The following CRTAC1 variants were observed in gnomAD, a reference collection of about 807,000 sequenced individuals.
CRTAC1 encodes acidic secreted protein in cartilage.
A neutral mutation model predicts 67.8 loss-of-function variants in CRTAC1; 37 were observed. The observed-to-expected ratio is 0.55, with a 90% CI of 0.42 to 0.72. The LOEUF (loss-of-function observed/expected upper bound fraction) is 0.72, where lower values mean the gene tolerates loss of function less well. Ranked by LOEUF, CRTAC1 falls within the 30% of genes least tolerant of loss-of-function variation. The pLI is 0.00. For missense variants in CRTAC1, 780 were observed against 931.6 expected, an observed-to-expected ratio of 0.84 and a Z score of 2.12; for synonymous variants, 348 against 371.0, an observed-to-expected ratio of 0.94 and a Z score of 0.71.
At position 97,974,722 on chromosome 10, in the gene CRTAC1, C is replaced by A. The variant is rs779614764; in HGVS notation, c.224+36416G>T. Among the ~76,000 whole-genome samples the A allele has an allele frequency of 1.4e-4, 21 of 152,112 alleles. 1 individual carries two copies. The highest frequency in any genetic ancestry group is 2.6e-4 in the Non-Finnish European group (18 of 68,020). ...GTCACCCCTGCCTCTGCCGGGAGCCCGGAGAAGCTGGACTCAGGGAGCCAG... is the reference window on the plus strand; with the variant it reads ...GTCACCCCTGCCTCTGCCGGGAGCCAGGAGAAGCTGGACTCAGGGAGCCAG... On this transcript the variant is annotated intron_variant, in intron 2 of 14. Coordinates refer to ENST00000370597, the MANE Select transcript of CRTAC1 (RefSeq NM_018058.7).
chr10:97,896,576 G>T (rs182082271), intron 9 of CRTAC1, among the ~76,000 whole-genome samples: 1 of 152,268 alleles, frequency 6.6e-6, no homozygotes, highest in Admixed American at 6.5e-5. Context: ...CTGCCTGAGA[G>T]CAGAAGGGGC....
chr10:98,023,199 C>T (rs997266624), intron 1 of CRTAC1, among the ~76,000 whole-genome samples: 17 of 152,182 alleles, frequency 1.1e-4, no homozygotes, highest in East Asian at 1.9e-4. Flanking sequence ...AGCCTTGCTC[C>T]AGGCTCAGAG....
At position 98,030,479 on chromosome 10, in the gene CRTAC1, G is replaced by T. The variant is rs1437256783; in HGVS notation, c.-7C>A. 1 of 1,247,160 alleles carries T rather than the reference G, an allele frequency of 8.0e-7. No individual in the cohort carries two copies. Among genetic ancestry groups the T allele is most frequent in the Non-Finnish European group, 1.0e-6 (1 of 987,956 alleles). The allele number at this position is 1,247,160 out of a possible 1,614,324, so 77.3% of individuals were successfully genotyped here. On this transcript the variant is annotated 5_prime_UTR_variant, in exon 1 of 15. Coordinates refer to ENST00000370597, the MANE Select transcript of CRTAC1 (RefSeq NM_018058.7). The surrounding 1 kb of genome is among the most constrained non-coding windows in gnomAD (Gnocchi z 4.2). ...GGTCAGCGCTCGGAGCCATCCTCCC[G>T]CTCTCGGCCCCGCCGCCTAGGGGCG... is the stretch of plus-strand genomic sequence containing the variant.
chr10:98,005,639 A>G (rs1221093047), intron 2 of CRTAC1, among the ~76,000 whole-genome samples: 1 of 150,932 alleles, frequency 6.6e-6, no homozygotes, highest in African/African-American at 2.4e-5. Context: ...ACATCTACCT[A>G]TTATTTACCA....
At chr10:97,923,211 C>T (rs1386244372) in intron 4 of CRTAC1, 53 bp downstream of exon 4, 4 of 1,609,526 alleles carry the variant, frequency 2.5e-6, no homozygotes, top group Non-Finnish European at 3.4e-6. Context: ...AGTGGCTCCT[C>T]TCCTGGCTCT....
chr10:97,884,331 C>T lies in CRTAC1; in HGVS notation c.1507G>A (p.Val503Met), dbSNP rs1054321324. The T allele has an allele frequency of 8.4e-6, 13 of 1,551,700 alleles. No individual in the cohort carries two copies. The highest frequency in any genetic ancestry group is 1.4e-5 in the African/African-American group (1 of 73,076). ...TTGCCATCTGGCCACGTCACCTCCA[C>T]ACTGCTGGCTTCATCCTTCCCTGAG... ...FGLGKDEASS[V>M]EVTWPDGKMV... Residue 503 changes from valine to methionine, a missense_variant, in exon 12 of 15, where the codon GTG becomes ATG. By Grantham distance (21) the Val-to-Met change is conservative. Transcript: ENST00000370597.
At chr10:97,903,432 G>A (rs1343669477) in intron 7 of CRTAC1, among the ~76,000 whole-genome samples, 2 of 151,742 alleles carry the variant, frequency 1.3e-5, no homozygotes, top group Non-Finnish European at 2.9e-5. Context: ...ATCCCAGGAC[G>A]AGCTGTCCTG....
In CRTAC1 at chr10:98,029,019, C is replaced by T. The variant is rs1452622383; in HGVS notation, c.24+1430G>A. On this transcript the variant is annotated intron_variant, in intron 1 of 14. Transcript: ENST00000370597. The surrounding 1 kb of genome is among the most constrained non-coding windows in gnomAD (Gnocchi z 4.7). ...TGTGCCATCATCAAGACCCTCAACT[C>T]CCTTCATTACCTCTTAAATTGACTT... 6.6e-6 allele frequency among the ~76,000 whole-genome samples: 1 copy of T among 152,156 alleles called. No individual in the cohort carries two copies. The highest frequency in any genetic ancestry group is 2.4e-5 in the African/African-American group (1 of 41,430).
chr10:97,924,054 A>T (rs2050878897), intron 3 of CRTAC1, among the ~76,000 whole-genome samples: 1 of 152,078 alleles, frequency 6.6e-6, no homozygotes, highest in Non-Finnish European at 1.5e-5. Flanking sequence ...CCCTTTGAGA[A>T]TTGGAGGGAG....
intron 6 of CRTAC1, among the ~76,000 whole-genome samples, chr10:97,907,207 A>G (rs1012215871): frequency 2.0e-5 from 3 of 152,214 alleles, no homozygotes; most frequent in Non-Finnish European, 2.9e-5. Flanking sequence ...CCATGATGGC[A>G]ATGTGGAGCC....
At chr10:97,989,588 G>A (rs1202840462) in intron 2 of CRTAC1, among the ~76,000 whole-genome samples, 2 of 152,166 alleles carry the variant, frequency 1.3e-5, no homozygotes, top group Non-Finnish European at 2.9e-5. Flanking sequence ...TTATTATCTT[G>A]TGGGACCACC....
At chr10:97,894,348 G>A (rs2050419931) in intron 11 of CRTAC1, among the ~76,000 whole-genome samples, 1 of 151,958 alleles carries the variant, frequency 6.6e-6, no homozygotes, top group Non-Finnish European at 1.5e-5. Flanking sequence ...TTCCATTAAT[G>A]CCACAGATAT....
chr10:97,986,225 G>C (rs555843137), intron 2 of CRTAC1, among the ~76,000 whole-genome samples: 1 of 152,306 alleles, frequency 6.6e-6, no homozygotes, highest in African/African-American at 2.4e-5. Context: ...GGGGAGAGGA[G>C]AGCTCTAGCA....
rs775679021 is a variant in CRTAC1, at chr10:97,884,321, G to A, written c.1517C>T (p.Thr506Met). 2.1e-5 allele frequency: 33 copies of A among 1,552,058 alleles called. No individual in the cohort carries two copies. The Middle Eastern group carries it at 7.2e-4, about 34-fold the overall frequency. The change falls in exon 12 of 15, where the codon ACG becomes ATG. Residue 506 changes from threonine (T) to methionine (M), a missense_variant. Coordinates refer to ENST00000370597, the MANE Select transcript of CRTAC1 (RefSeq NM_018058.7). The stretch of plus-strand genomic sequence containing the variant: ...GCTCACCATCTTGCCATCTGGCCAC[G>A]TCACCTCCACACTGCTGGCTTCATC... ...GKDEASSVEV[T>M]WPDGKMVSRN...
intron 8 of CRTAC1, among the ~76,000 whole-genome samples, chr10:97,899,580 C>T (rs921100293): frequency 2.6e-5 from 4 of 152,210 alleles, no homozygotes; most frequent in Admixed American, 2.0e-4. Context: ...AGCAATTGAT[C>T]TTCTGCAATT....
chr10:98,030,465 G>C lies in CRTAC1; in HGVS notation c.8C>G (p.Pro3Arg). The C allele has an allele frequency of 8.0e-7, 1 of 1,249,304 alleles. No homozygotes were observed. Among genetic ancestry groups the C allele is most frequent in the Non-Finnish European group, 1.0e-6 (1 of 988,938 alleles). 77.4% of individuals were successfully genotyped at this position (1,249,304 alleles called of 1,614,324 possible). ...GATACTCACGCCGGGGTCAGCGCTCGGAGCCATCCTCCCGCTCTCGGCCCC... is the reference window on the plus strand; with the variant it reads ...GATACTCACGCCGGGGTCAGCGCTCCGAGCCATCCTCCCGCTCTCGGCCCC... MA[P>R]SADPGMSRML... is the part of the protein sequence containing the mutation. Residue 3 changes from proline to arginine, a missense_variant, in exon 1 of 15, where the codon CCG becomes CGG. Physicochemically the swap from Pro to Arg is moderately radical, Grantham distance 103. Transcript: ENST00000370597. The surrounding 1 kb of genome is among the most constrained non-coding windows in gnomAD (Gnocchi z 4.2).
intron 14 of CRTAC1, chr10:97,878,464 A>C (rs2050171863): frequency 7.9e-6 from 4 of 508,544 alleles, no homozygotes; most frequent in Middle Eastern, 7.7e-4. Flanking sequence ...TTTTTTGTTG[A>C]ATATGTTTTT....
In CRTAC1 at chr10:97,908,918, C is replaced by T. The variant is rs542296160; in HGVS notation, c.716-771G>A. 6.6e-5 allele frequency among the ~76,000 whole-genome samples: 10 copies of T among 152,184 alleles called. No homozygotes were observed. The South Asian group carries it at 1.5e-3, about 22-fold the overall frequency. Reference sequence around the variant, plus strand: ...CAGTTCGGAGAAAAGTGGGAAAGGCCGCACCCCAAGCTGTGAACACTGGCT... The same window carrying T: ...CAGTTCGGAGAAAAGTGGGAAAGGCTGCACCCCAAGCTGTGAACACTGGCT... On this transcript the variant is annotated intron_variant, in intron 5 of 14. Coordinates refer to ENST00000370597, the MANE Select transcript of CRTAC1 (RefSeq NM_018058.7).
rs896223889 is a variant in CRTAC1 at position 97,966,997 on chromosome 10, C to A, written c.225-30631G>T. On this transcript the variant is annotated intron_variant, in intron 2 of 14. Coordinates refer to ENST00000370597, the MANE Select transcript of CRTAC1 (RefSeq NM_018058.7). Reference sequence around the variant, plus strand: ...GTGTTTCTCCATTGTAAAGTCACCCCCCCCCCCCCGACATCCTACATGCTT... The same window carrying A: ...GTGTTTCTCCATTGTAAAGTCACCCACCCCCCCCCGACATCCTACATGCTT... Among the ~76,000 whole-genome samples, 31 of 148,530 alleles carry A rather than the reference C, an allele frequency of 2.1e-4. No homozygotes were observed. The East Asian group carries it at 4.1e-3, about 19-fold the overall frequency.
Sources: allele counts gnomAD v4.1 joint callset (sites outside exome capture counted in the v4.1 genomes callset), GRCh38; gene constraint gnomAD v4.1.1; non-coding constraint Gnocchi (gnomAD v3.1); transcripts MANE v1.5; gene names NCBI Gene and HGNC (gene_info 2026-07-23, HGNC 2026-07-21).